The following PPARD variants were observed in gnomAD, a reference collection of about 807,000 sequenced individuals.
The protein encoded by PPARD is peroxisome proliferator-activated receptor delta.
In PPARD, 6 loss-of-function variants were observed where a neutral mutation model predicts 39.5. That is an observed-to-expected ratio of 0.15 (90% CI 0.08 to 0.30). The LOEUF (loss-of-function observed/expected upper bound fraction) is 0.30, where lower values mean the gene tolerates loss of function less well. Ranked by LOEUF, PPARD falls within the 10% of genes least tolerant of loss-of-function variation. The pLI, the probability that PPARD is intolerant of heterozygous loss-of-function variation, is 1.00. For synonymous variants in PPARD, 210 were observed against 231.3 expected, an observed-to-expected ratio of 0.91 and a Z score of 0.83; for missense variants, 397 against 596.8, an observed-to-expected ratio of 0.67 and a Z score of 3.49.
At position 35,424,810 on chromosome 6, in the gene PPARD, T is replaced by C; in HGVS notation, c.1078+31T>C. ...TGAGAGTGGGGCAGGTGGGCTGGCC[T>C]GGCACACCCAGTCGTCCTGGGGGTT... On this transcript the variant is annotated intron_variant, in intron 7 of 7. Transcript: ENST00000360694. The surrounding 1 kb of genome is among the most constrained non-coding windows in gnomAD (Gnocchi z 7.1). 6.2e-7 allele frequency: 1 copy of C among 1,604,406 alleles called. No homozygotes were observed. Among genetic ancestry groups the C allele is most frequent in the South Asian group, 1.1e-5 (1 of 90,022 alleles).
At chr6:35,379,563 A>G (rs1354516588) in intron 2 of PPARD, among the ~76,000 whole-genome samples, 1 of 152,234 alleles carries the variant, frequency 6.6e-6, no homozygotes, top group Non-Finnish European at 1.5e-5. Context: ...CTTCTTAGAG[A>G]GGAGAGCTTG....
In PPARD at chr6:35,425,601, G is replaced by A. The variant is rs1414653621; in HGVS notation, c.1079-231G>A. Among the ~76,000 whole-genome samples the A allele has an allele frequency of 2.6e-5, 4 of 151,908 alleles. No individual in the cohort carries two copies. Among genetic ancestry groups the A allele is most frequent in the Non-Finnish European group, 5.9e-5 (4 of 68,000 alleles). On this transcript the variant is annotated intron_variant, in intron 7 of 7. Coordinates refer to ENST00000360694, the MANE Select transcript of PPARD (RefSeq NM_006238.5). This position sits in a 1 kb window ranked among gnomAD's most constrained non-coding sequence, Gnocchi z 4.5. ...TTGAGTCTCTTAACCACAATACTAC[G>A]TTGCCTAATCGGGGGGGAGGTGGGG... is the stretch of plus-strand genomic sequence containing the variant.
chr6:35,345,434 C>T (rs567469475), intron 1 of PPARD, among the ~76,000 whole-genome samples: 1 of 152,198 alleles, frequency 6.6e-6, no homozygotes, highest in South Asian at 2.1e-4. Flanking sequence ...TACAGGTGCA[C>T]ACCACCACAC....
chr6:35,373,931 A>G (rs944758947), intron 2 of PPARD, among the ~76,000 whole-genome samples: 1 of 152,100 alleles, frequency 6.6e-6, no homozygotes, highest in Non-Finnish European at 1.5e-5. Flanking sequence ...TCAGCCTACC[A>G]AAGTACTGGG....
intron 3 of PPARD, 152 bp downstream of exon 3, chr6:35,411,369 G>A (rs955218882): frequency 2.2e-5 from 22 of 999,802 alleles, no homozygotes; most frequent in Non-Finnish European, 2.9e-5. Flanking sequence ...GCCCAGTGCG[G>A]TGGGGATCTG....
intron 2 of PPARD, among the ~76,000 whole-genome samples, chr6:35,374,530 CACCTGT>C (rs961801920): frequency 1.3e-5 from 2 of 151,600 alleles, no homozygotes; most frequent in African/African-American, 4.9e-5. Flanking sequence ...TGGTGGCAGG[CACCTGT>C]AGTCCCAGCT....
At position 35,372,965 on chromosome 6, in the gene PPARD, C is replaced by T. The variant is rs116279476; in HGVS notation, c.-102+25815C>T. ...AACTGATTTCTCACAGTTCTGGAGG[C>T]TGGGAAGTTCAAGATCAAGGCATTG... On this transcript the variant is annotated intron_variant, in intron 2 of 7. Transcript: ENST00000360694. 6.3e-3 allele frequency among the ~76,000 whole-genome samples: 955 copies of T among 152,280 alleles called. 3 individuals are homozygous for T. Among genetic ancestry groups the T allele is most frequent in the Middle Eastern group, 0.017 (5 of 294 alleles).
At chr6:35,361,058 G>T (rs1165486664) in intron 2 of PPARD, among the ~76,000 whole-genome samples, 1 of 152,188 alleles carries the variant, frequency 6.6e-6, no homozygotes, top group African/African-American at 2.4e-5. Context: ...TCATTTCTTT[G>T]GCTTCTCAGA....
At chr6:35,358,619 G>A (rs1761753193) in intron 2 of PPARD, among the ~76,000 whole-genome samples, 1 of 152,092 alleles carries the variant, frequency 6.6e-6, no homozygotes, top group Admixed American at 6.6e-5. Flanking sequence ...CTGCACTTTG[G>A]GGGAACCTGT....
In PPARD at chr6:35,366,398, G is replaced by A. The variant is rs1289283425; in HGVS notation, c.-102+19248G>A. 6.6e-6 allele frequency among the ~76,000 whole-genome samples: 1 copy of A among 151,636 alleles called. No homozygotes were observed. The highest frequency in any genetic ancestry group is 1.5e-5 in the Non-Finnish European group (1 of 68,042). On this transcript the variant is annotated intron_variant, in intron 2 of 7. Coordinates refer to ENST00000360694, the MANE Select transcript of PPARD (RefSeq NM_006238.5). The surrounding 1 kb of genome is among the most constrained non-coding windows in gnomAD (Gnocchi z 4.6). ...AGTGTGAGCCATGGAAGGTCTTTGA[G>A]CAGGAGAATAATGTGATAGTTGCTA...
rs967819554 is a variant in PPARD, at chr6:35,401,670, G to A, written c.-101-9317G>A. ...GAGGCTACGTAAGGTCCTCAGGAAA[G>A]CGTCTCCTGGCCACTCGCACCTGAC... On this transcript the variant is annotated intron_variant, in intron 2 of 7. Coordinates refer to ENST00000360694, the MANE Select transcript of PPARD (RefSeq NM_006238.5). The surrounding 1 kb of genome is among the most constrained non-coding windows in gnomAD (Gnocchi z 4.1). 2.4e-4 allele frequency among the ~76,000 whole-genome samples: 36 copies of A among 152,182 alleles called. No individual in the cohort carries two copies. The highest frequency in any genetic ancestry group is 7.5e-4 in the African/African-American group (31 of 41,444).
At chr6:35,344,790 T>G (rs568689400) in intron 1 of PPARD, among the ~76,000 whole-genome samples, 1 of 152,318 alleles carries the variant, frequency 6.6e-6, no homozygotes, top group East Asian at 1.9e-4. Flanking sequence ...TGTAATCCTC[T>G]TGTACACTGT....
At chr6:35,386,622 A>G (rs900350657) in intron 2 of PPARD, among the ~76,000 whole-genome samples, 3 of 152,318 alleles carry the variant, frequency 2.0e-5, no homozygotes, top group South Asian at 2.1e-4. Flanking sequence ...AGACTCCACC[A>G]GACATAAAAT....
At position 35,374,132 on chromosome 6, in the gene PPARD, A is replaced by G. The variant is rs573798486; in HGVS notation, c.-102+26982A>G. Among the ~76,000 whole-genome samples, 713 of 152,190 alleles carry G rather than the reference A, an allele frequency of 4.7e-3. 5 individuals carry two copies. The highest frequency in any genetic ancestry group is 0.017 in the African/African-American group (685 of 41,512). On this transcript the variant is annotated intron_variant, in intron 2 of 7. Coordinates refer to ENST00000360694, the MANE Select transcript of PPARD (RefSeq NM_006238.5). ...GTTTCTCCTATGGCTGCACAGACAC[A>G]GGGTTTCCTGCCTCCAAAGAGCTTT...
At chr6:35,395,285 A>G (rs375704745) in intron 2 of PPARD, among the ~76,000 whole-genome samples, 2 of 152,176 alleles carry the variant, frequency 1.3e-5, no homozygotes, top group East Asian at 1.9e-4. Flanking sequence ...GGGCTTAGAA[A>G]ACCCTCAAAG....
Position 35,347,119 on chromosome 6 carries a change from C to A in PPARD, c.-133C>A. 1 of 1,536,088 alleles carries A rather than the reference C, an allele frequency of 6.5e-7. No individual in the cohort carries two copies. Among genetic ancestry groups the A allele is most frequent in the Non-Finnish European group, 8.7e-7 (1 of 1,146,896 alleles). On this transcript the variant is annotated 5_prime_UTR_variant, in exon 2 of 8. Coordinates refer to ENST00000360694, the MANE Select transcript of PPARD (RefSeq NM_006238.5). Reference sequence around the variant, plus strand: ...TGATACTCACACAGTGGCTTCTGCTCACCAACAGATGAAGACAGATGCACC... The same window carrying A: ...TGATACTCACACAGTGGCTTCTGCTAACCAACAGATGAAGACAGATGCACC...
intron 2 of PPARD, chr6:35,348,702 G>C: frequency 3.0e-6 from 3 of 985,370 alleles, no homozygotes; most frequent in Non-Finnish European, 3.6e-6. Flanking sequence ...GTGGGGGTCA[G>C]GTTGTTTGTA....
intron 5 of PPARD, 49 bp from the exon 6 acceptor site, chr6:35,423,897 T>A: frequency 1.3e-6 from 2 of 1,588,358 alleles, no homozygotes; most frequent in Non-Finnish European, 1.7e-6. Flanking sequence ...ATGTCAGAGG[T>A]GCTGGGGCCT....
At chr6:35,388,437 G>A (rs1348757301) in intron 2 of PPARD, among the ~76,000 whole-genome samples, 2 of 152,166 alleles carry the variant, frequency 1.3e-5, no homozygotes, top group East Asian at 3.8e-4. Context: ...GGGGAGGCCG[G>A]GTGTAGTGGC....
Sources: allele counts gnomAD v4.1 joint callset (sites outside exome capture counted in the v4.1 genomes callset), GRCh38; gene constraint gnomAD v4.1.1; non-coding constraint Gnocchi (gnomAD v3.1); transcripts MANE v1.5; gene names NCBI Gene and HGNC (gene_info 2026-07-23, HGNC 2026-07-21).